The following MTHFSD variants were observed in gnomAD, a reference collection of about 807,000 sequenced individuals.
MTHFSD encodes methenyltetrahydrofolate synthetase domain containing.
Under a neutral mutation model 31.1 loss-of-function variants are expected in MTHFSD, and 37 were observed. The ratio of observed to expected loss-of-function variants is 1.19; its 90% CI spans 0.91 to 1.56. The LOEUF (loss-of-function observed/expected upper bound fraction) is 1.56. Ranked by LOEUF, MTHFSD falls within the 40% of genes most tolerant of loss-of-function variation. The probability of loss-of-function intolerance (pLI) is 0.00; values close to 1 mark genes in which losing one functional copy is unlikely to be tolerated. For missense variants in MTHFSD, 664 were observed against 510.1 expected (o/e 1.30, Z -2.91); for synonymous variants, 221 against 206.9 (o/e 1.07, Z -0.59).
intron 7 of MTHFSD, chr16:86,541,283 A>G (rs1567538406): frequency 9.1e-7 from 1 of 1,093,092 alleles, no homozygotes; most frequent in African/African-American, 1.7e-5. Flanking sequence ...GAAGATCCAG[A>G]TCGTCAGTAA....
intron 2 of MTHFSD, among the ~76,000 whole-genome samples, 159 bp downstream of exon 2, chr16:86,554,486 G>A (rs1973763517): frequency 6.6e-6 from 1 of 152,168 alleles, no homozygotes; most frequent in South Asian, 2.1e-4. Context: ...GTCTCTAAAT[G>A]CTAAGGACGC....
At chr16:86,550,422 T>A (rs1972972473) in intron 3 of MTHFSD, among the ~76,000 whole-genome samples, 1 of 152,194 alleles carries the variant, frequency 6.6e-6, no homozygotes, top group African/African-American at 2.4e-5. Flanking sequence ...GACCACACGG[T>A]CAAGGTTTCT....
chr16:86,544,019 G>A (rs565103839), intron 5 of MTHFSD, among the ~76,000 whole-genome samples: 1 of 152,308 alleles, frequency 6.6e-6, no homozygotes, highest in Admixed American at 6.5e-5. Context: ...CCTGAGATGG[G>A]ACCGTCTAGT....
chr16:86,541,687 C>T lies in MTHFSD; in HGVS notation c.681+10G>A, dbSNP rs9674156. The T allele has an allele frequency of 2.7e-3, 4,420 of 1,611,328 alleles. 97 individuals are homozygous for T. In the African/African-American group the frequency reaches 0.05, roughly 18 times the overall value. On this transcript the variant is annotated intron_variant, in intron 7 of 7. Coordinates refer to ENST00000360900, the MANE Select transcript of MTHFSD (RefSeq NM_001159377.2). ...GCTACAGGCCAGAGCTGGCCACTGC[C>T]GTGACCCACCTTGAACCAGGTGATT...
At chr16:86,538,640 C>T (rs925327778) in intron 7 of MTHFSD, among the ~76,000 whole-genome samples, 28 of 152,236 alleles carry the variant, frequency 1.8e-4, no homozygotes, top group African/African-American at 6.5e-4. Context: ...GACTACCTGA[C>T]ACACGGCTGT....
intron 7 of MTHFSD, among the ~76,000 whole-genome samples, chr16:86,534,778 T>C (rs1050529955): frequency 6.7e-6 from 1 of 148,388 alleles, no homozygotes; most frequent in Non-Finnish European, 1.5e-5. Context: ...CCAGAAGCCT[T>C]GAGGTGAGAG....
intron 7 of MTHFSD, chr16:86,535,430 G>A: frequency 3.0e-6 from 3 of 985,466 alleles, no homozygotes; most frequent in Middle Eastern, 5.2e-4. Context: ...CCAGCAGGGT[G>A]TCTGGACGTC....
chr16:86,547,954 G>C, intron 4 of MTHFSD: 2 of 1,032,684 alleles, frequency 1.9e-6, no homozygotes, highest in Non-Finnish European at 2.6e-6. Flanking sequence ...GCACCCTAAA[G>C]TCATATTTGT....
chr16:86,551,138 C>T (rs1456641992), intron 3 of MTHFSD, among the ~76,000 whole-genome samples: 4 of 152,174 alleles, frequency 2.6e-5, no homozygotes, highest in Non-Finnish European at 5.9e-5. Flanking sequence ...TTGTATTTAA[C>T]TTATATGCTT....
At chr16:86,541,667 A>C in intron 7 of MTHFSD, 30 bp downstream of exon 7, 1 of 1,605,698 alleles carries the variant, frequency 6.2e-7, no homozygotes. Flanking sequence ...GCTAAGCTAC[A>C]GGCCAGAGCT....
At chr16:86,546,199 C>T (rs16941492) in intron 5 of MTHFSD, among the ~76,000 whole-genome samples, 1,632 of 152,370 alleles carry the variant, frequency 0.011, 28 homozygotes, top group African/African-American at 0.038. Flanking sequence ...TTGGAACCTA[C>T]TGTTTTTCCA....
At chr16:86,552,273 T>C in intron 2 of MTHFSD, 127 bp from the exon 3 acceptor site, 1 of 1,593,650 alleles carries the variant, frequency 6.3e-7, no homozygotes, top group Non-Finnish European at 8.6e-7. Context: ...TGGGAGTTGC[T>C]CGGCAGCATG....
At chr16:86,549,870 T>C (rs1442704481) in intron 3 of MTHFSD, among the ~76,000 whole-genome samples, 1 of 152,172 alleles carries the variant, frequency 6.6e-6, no homozygotes, top group East Asian at 1.9e-4. Context: ...GACTCACAGG[T>C]CTGGGGTTGG....
intron 7 of MTHFSD, among the ~76,000 whole-genome samples, chr16:86,539,659 T>C (rs1011103041): frequency 3.3e-5 from 5 of 152,164 alleles, no homozygotes; most frequent in Non-Finnish European, 5.9e-5. Context: ...CGGATGTTGA[T>C]GGTCAATCAA....
At chr16:86,537,767 A>T (rs1970913891) in intron 7 of MTHFSD, among the ~76,000 whole-genome samples, 1 of 151,976 alleles carries the variant, frequency 6.6e-6, no homozygotes, top group Non-Finnish European at 1.5e-5. Context: ...TGAGAACCAC[A>T]CTCCCCAGCA....
At chr16:86,551,837 G>T in intron 3 of MTHFSD, 196 bp downstream of exon 3, 1 of 982,238 alleles carries the variant, frequency 1.0e-6, no homozygotes. Context: ...ACTCCTGATT[G>T]ACTGAATTGC....
Position 86,530,941 on chromosome 16 carries a change from A to G in MTHFSD, c.*1070T>C, listed in dbSNP as rs913342076. The stretch of plus-strand genomic sequence containing the variant: ...TGCGTTTTCTTTGCGAAGTCTCCAC[A>G]GGATTTTCACGGCAAAACCAATGAG... On this transcript the variant is annotated 3_prime_UTR_variant, in exon 8 of 8. Transcript: ENST00000360900. 5.3e-5 allele frequency: 8 copies of G among 152,216 alleles called. No homozygotes were observed. The highest frequency in any genetic ancestry group is 1.9e-4 in the African/African-American group (8 of 41,446). 9.4% of individuals were successfully genotyped at this position (152,216 alleles called of 1,614,324 possible). A position where few individuals can be genotyped will look rare whatever the true frequency, so the allele number is the denominator to read the frequency against.
At chr16:86,539,638 G>A (rs892745979) in intron 7 of MTHFSD, among the ~76,000 whole-genome samples, 1 of 152,170 alleles carries the variant, frequency 6.6e-6, no homozygotes, top group Admixed American at 6.5e-5. Context: ...CACAAGCTGA[G>A]AAGAGCCCAC....
chr16:86,548,243 T>C, intron 4 of MTHFSD: 4 of 970,220 alleles, frequency 4.1e-6, no homozygotes, highest in Non-Finnish European at 5.8e-6. Flanking sequence ...TTTGCCAATT[T>C]CGTGCAAAAT....
Sources: allele counts gnomAD v4.1 joint callset (sites outside exome capture counted in the v4.1 genomes callset), GRCh38; gene constraint gnomAD v4.1.1; transcripts MANE v1.5; gene names NCBI Gene and HGNC (gene_info 2026-07-23, HGNC 2026-07-21).